DNM3: variants seen among roughly 807,000 people sequenced by gnomAD.
DNM3 encodes the protein dynamin-3.
A neutral mutation model predicts 101.6 loss-of-function variants in DNM3; 47 were observed. That is an observed-to-expected ratio of 0.46 (90% CI 0.37 to 0.59). The LOEUF (loss-of-function observed/expected upper bound fraction) is 0.59, where lower values mean the gene tolerates loss of function less well. Ranked by LOEUF, DNM3 falls within the 20% of genes least tolerant of loss-of-function variation. DNM3 has a pLI of 0.00. For synonymous variants in DNM3, 385 were observed against 387.9 expected, an observed-to-expected ratio of 0.99 and a Z score of 0.09; for missense variants, 849 against 1,085.7, an observed-to-expected ratio of 0.78 and a Z score of 3.06.
intron 13 of DNM3, among the ~76,000 whole-genome samples, chr1:172,127,232 G>A (rs971245073): frequency 2.0e-5 from 3 of 151,832 alleles, no homozygotes; most frequent in East Asian, 1.9e-4. Context: ...AAGGACTTAC[G>A]TCCACCCTTA....
Position 172,410,766 on chromosome 1 carries a change from T to C in DNM3, c.*2925T>C, listed in dbSNP as rs1252062043. 1 of 985,188 alleles carries C rather than the reference T, an allele frequency of 1.0e-6. No individual in the cohort carries two copies. The highest frequency in any genetic ancestry group is 1.1e-4 in the East Asian group (1 of 8,836). 61.0% of individuals were successfully genotyped at this position (985,188 alleles called of 1,614,324 possible). On this transcript the variant is annotated 3_prime_UTR_variant, in exon 21 of 21. Transcript: ENST00000627582. ...TTCTAAAGTATATTAATGAAACCAG[T>C]TCCTGTGATGTAACTGTAAGCCTTC...
intron 20 of DNM3, among the ~76,000 whole-genome samples, chr1:172,401,616 T>C (rs2070489455): frequency 1.3e-5 from 2 of 152,214 alleles, no homozygotes; most frequent in South Asian, 2.1e-4. Flanking sequence ...CTGGCTCTAA[T>C]ACACTGCAAG....
At chr1:172,008,955 A>G (rs2046906197) in intron 4 of DNM3, among the ~76,000 whole-genome samples, 1 of 138,216 alleles carries the variant, frequency 7.2e-6, no homozygotes. Flanking sequence ...ATATTATATT[A>G]ATATATTTAT....
chr1:171,988,571 G>A (rs1354127427), intron 3 of DNM3, among the ~76,000 whole-genome samples: 1 of 152,088 alleles, frequency 6.6e-6, no homozygotes, highest in African/African-American at 2.4e-5. Context: ...GGAAAGGGCA[G>A]TCTTACCCTG....
At chr1:172,123,966 T>A (rs1275741576) in intron 13 of DNM3, among the ~76,000 whole-genome samples, 2 of 152,236 alleles carry the variant, frequency 1.3e-5, no homozygotes, top group African/African-American at 4.8e-5. Context: ...GCACCACTAG[T>A]GGACAGAAAG....
At chr1:172,020,858 G>A (rs1272364756) in intron 4 of DNM3, among the ~76,000 whole-genome samples, 3 of 151,940 alleles carry the variant, frequency 2.0e-5, no homozygotes, top group Admixed American at 2.0e-4. Context: ...TCCTCTGAAG[G>A]CAAAACTCAG....
chr1:171,908,461 T>C (rs1430785459), intron 1 of DNM3, among the ~76,000 whole-genome samples: 5 of 152,196 alleles, frequency 3.3e-5, no homozygotes, highest in African/African-American at 4.8e-5. Context: ...AGAACTCTTA[T>C]ATTAGAAGTG....
intron 17 of DNM3, 136 bp from the exon 18 acceptor site, chr1:172,378,882 A>G (rs2068747291): frequency 3.3e-5 from 33 of 1,007,152 alleles, no homozygotes; most frequent in Non-Finnish European, 5.6e-6. Flanking sequence ...GTGGATGCAT[A>G]AGATAAAAAT....
rs530813583 is a variant in DNM3, at chr1:171,871,592, T to C, written c.161+29775T>C. Among the ~76,000 whole-genome samples the C allele has an allele frequency of 3.6e-3, 541 of 152,318 alleles. 6 individuals are homozygous for C. Among genetic ancestry groups the C allele is most frequent in the African/African-American group, 0.012 (511 of 41,578 alleles). ...GAACACCGTGAAACATCCTCACAAA[T>C]TTTTTAATTGGTCACCTTCCCCCTA... On this transcript the variant is annotated intron_variant, in intron 1 of 20. Coordinates refer to ENST00000627582, the MANE Select transcript of DNM3 (RefSeq NM_015569.5).
At chr1:171,938,972 T>A (rs1011309686) in intron 2 of DNM3, among the ~76,000 whole-genome samples, 2 of 152,226 alleles carry the variant, frequency 1.3e-5, no homozygotes, top group Non-Finnish European at 2.9e-5. Flanking sequence ...GCCTGGTTAT[T>A]GGGATACCAC....
At chr1:172,297,163 G>A (rs549032164) in intron 15 of DNM3, among the ~76,000 whole-genome samples, 6 of 148,454 alleles carry the variant, frequency 4.0e-5, no homozygotes, top group South Asian at 4.3e-4. Context: ...AAAAAAAATA[G>A]CATCTTATTA....
chr1:172,324,173 T>C (rs1331442138), intron 17 of DNM3, among the ~76,000 whole-genome samples: 4 of 152,220 alleles, frequency 2.6e-5, no homozygotes, highest in African/African-American at 4.8e-5. Context: ...CGATTTGTTT[T>C]CTTATTTTTT....
At chr1:172,025,103 G>A (rs1383973968) in intron 4 of DNM3, among the ~76,000 whole-genome samples, 1 of 152,220 alleles carries the variant, frequency 6.6e-6, no homozygotes, top group Non-Finnish European at 1.5e-5. Context: ...TGGGACGCTT[G>A]AGCTTTGTTT....
chr1:172,408,112 G>A lies in DNM3; in HGVS notation c.*271G>A. ...CAGCCCTATACTTTGGGGATCATTTGCCTACCATGGCATATATTTGAAATT... is the reference window on the plus strand; with the variant it reads ...CAGCCCTATACTTTGGGGATCATTTACCTACCATGGCATATATTTGAAATT... On this transcript the variant is annotated 3_prime_UTR_variant, in exon 21 of 21. Transcript: ENST00000627582. 8.2e-7 allele frequency: 1 copy of A among 1,224,138 alleles called. No individual in the cohort carries two copies. The highest frequency in any genetic ancestry group is 3.7e-5 in the Admixed American group (1 of 26,754). The allele number at this position is 1,224,138 out of a possible 1,614,324, so 75.8% of individuals were successfully genotyped here. A position where few individuals can be genotyped will look rare whatever the true frequency, so the allele number is the denominator to read the frequency against.
At position 172,408,505 on chromosome 1, in the gene DNM3, T is replaced by A. The variant is rs1435291116; in HGVS notation, c.*664T>A. 3.0e-6 allele frequency: 3 copies of A among 985,254 alleles called. No individual in the cohort carries two copies. The African/African-American group carries it at 5.2e-5, about 17-fold the overall frequency. The allele number at this position is 985,254 out of a possible 1,614,324, so 61.0% of individuals were successfully genotyped here. A position where few individuals can be genotyped will look rare whatever the true frequency, so the allele number is the denominator to read the frequency against. On this transcript the variant is annotated 3_prime_UTR_variant, in exon 21 of 21. Coordinates refer to ENST00000627582, the MANE Select transcript of DNM3 (RefSeq NM_015569.5). ...TTCATGCTAGAAGCATATGCAACAG[T>A]GAATAAAAGCTTCTTTTTTTGTTAA...
At chr1:172,311,205 A>G (rs902039961) in intron 16 of DNM3, 2 of 152,244 alleles carry the variant, frequency 1.3e-5, no homozygotes, top group African/African-American at 4.8e-5. Flanking sequence ...TTTAACAGCT[A>G]GGGGAAGGTT....
intron 13 of DNM3, among the ~76,000 whole-genome samples, chr1:172,093,962 G>A (rs565246264): frequency 4.3e-4 from 66 of 152,292 alleles, no homozygotes; most frequent in Non-Finnish European, 7.1e-4. Flanking sequence ...CTAAAATGCT[G>A]TAATAATAAA....
intron 1 of DNM3, among the ~76,000 whole-genome samples, chr1:171,848,816 T>C (rs1430653281): frequency 6.6e-6 from 1 of 152,228 alleles, no homozygotes; most frequent in East Asian, 1.9e-4. Context: ...TAGTGTTAAT[T>C]GATAACAAAA....
Position 172,350,815 on chromosome 1 carries a change from C to G in DNM3, c.1893+27475C>G, listed in dbSNP as rs555580211. Among the ~76,000 whole-genome samples, 4 of 152,266 alleles carry G rather than the reference C, an allele frequency of 2.6e-5. No homozygotes were observed. In the South Asian group the frequency reaches 8.3e-4, roughly 32 times the overall value. On this transcript the variant is annotated intron_variant, in intron 17 of 20. Transcript: ENST00000627582. Reference sequence around the variant, plus strand: ...TGACACTGCTGAACAGTTCAGGATGCAGGATAAGGAATATCATTCTATCAT... The same window carrying G: ...TGACACTGCTGAACAGTTCAGGATGGAGGATAAGGAATATCATTCTATCAT...
Sources: allele counts gnomAD v4.1 joint callset (sites outside exome capture counted in the v4.1 genomes callset), GRCh38; gene constraint gnomAD v4.1.1; transcripts MANE v1.5; gene names NCBI Gene and HGNC (gene_info 2026-07-23, HGNC 2026-07-21).